The following TBK1 variants were observed in gnomAD, a reference collection of about 807,000 sequenced individuals.
TBK1 encodes the protein TANK binding kinase 1, also known as serine/threonine-protein kinase TBK1.
Under a neutral mutation model 99.9 loss-of-function variants are expected in TBK1, and 37 were observed. The observed-to-expected ratio is 0.37, with a 90% CI of 0.28 to 0.49. The LOEUF (loss-of-function observed/expected upper bound fraction) is 0.49, where lower values mean the gene tolerates loss of function less well. TBK1 is among the 20% of genes least tolerant of loss of function. TBK1 has a pLI of 0.98. For synonymous variants in TBK1, 258 were observed against 279.8 expected (o/e 0.92, Z 0.78); for missense variants, 644 against 872.5 (o/e 0.74, Z 3.30).
intron 5 of TBK1, among the ~76,000 whole-genome samples, chr12:64,470,944 T>C (rs1366099305): frequency 6.6e-6 from 1 of 152,184 alleles, no homozygotes; most frequent in African/African-American, 2.4e-5. Flanking sequence ...TAGGCTGAAA[T>C]TTAACCCCAT....
At chr12:64,497,800 C>A in intron 19 of TBK1, 46 bp downstream of exon 19, 1 of 1,490,252 alleles carries the variant, frequency 6.7e-7, no homozygotes, top group South Asian at 1.2e-5. Flanking sequence ...CATTTGCTTT[C>A]ATTGCAGTTT....
At chr12:64,461,426 TGTA>T (rs1281715244) in intron 3 of TBK1, among the ~76,000 whole-genome samples, 1 of 152,130 alleles carries the variant, frequency 6.6e-6, no homozygotes, top group Non-Finnish European at 1.5e-5. Context: ...TGGGAAAAAA[TGTA>T]GTTTATACTC....
intron 3 of TBK1, among the ~76,000 whole-genome samples, chr12:64,461,361 A>G (rs1196688164): frequency 6.6e-6 from 1 of 152,184 alleles, no homozygotes; most frequent in Admixed American, 6.5e-5. Context: ...ATCTAGAAAT[A>G]ATGGAAATAG....
In TBK1 at chr12:64,454,853, A is replaced by G. The variant is rs540643797; in HGVS notation, c.-31-987A>G. 1.3e-3 allele frequency among the ~76,000 whole-genome samples: 182 copies of G among 144,432 alleles called. 2 individuals carry two copies. Among genetic ancestry groups the G allele is most frequent in the African/African-American group, 4.4e-3 (172 of 38,724 alleles). The allele number at this position is 144,432 out of a possible 152,430, so 94.8% of individuals were successfully genotyped here. On this transcript the variant is annotated intron_variant, in intron 1 of 20. Transcript: ENST00000331710. ...CACCATGCCCGGCTAATTTTTTTGT[A>G]TTTTTAGTAGAGACGGGGTTTCACC...
chr12:64,468,869 G>T (rs2040632998), intron 5 of TBK1, among the ~76,000 whole-genome samples: 1 of 152,142 alleles, frequency 6.6e-6, no homozygotes, highest in South Asian at 2.1e-4. Context: ...CCCTGGCCCT[G>T]TGAAAGCTAC....
At chr12:64,494,887 C>A (rs777804392) in intron 13 of TBK1, among the ~76,000 whole-genome samples, 1 of 152,194 alleles carries the variant, frequency 6.6e-6, no homozygotes, top group African/African-American at 2.4e-5. Context: ...GTATCAGGAC[C>A]TTTAAAATAT....
At chr12:64,496,729 C>G (rs11175416) in intron 16 of TBK1, among the ~76,000 whole-genome samples, 161 of 152,230 alleles carry the variant, frequency 1.1e-3, no homozygotes, top group African/African-American at 3.8e-3. Flanking sequence ...TAATTTTAAC[C>G]GCATTCAATA....
intron 4 of TBK1, among the ~76,000 whole-genome samples, chr12:64,466,156 T>G (rs1449812651): frequency 6.6e-6 from 1 of 152,162 alleles, no homozygotes; most frequent in Admixed American, 6.5e-5. Context: ...ATTATAGATA[T>G]GATGTCTTCC....
At chr12:64,467,402 A>G (rs2040617662) in intron 5 of TBK1, among the ~76,000 whole-genome samples, 1 of 152,114 alleles carries the variant, frequency 6.6e-6, no homozygotes, top group Admixed American at 6.6e-5. Flanking sequence ...TGTTTTTTAT[A>G]TATTCATTAT....
At chr12:64,499,296 C>T (rs1482796668) in intron 20 of TBK1, among the ~76,000 whole-genome samples, 1 of 151,948 alleles carries the variant, frequency 6.6e-6, no homozygotes, top group African/African-American at 2.4e-5. Flanking sequence ...CCACTTGCCT[C>T]AGCCTCCCAA....
chr12:64,487,503 G>A (rs916373457), intron 11 of TBK1, among the ~76,000 whole-genome samples: 2 of 151,910 alleles, frequency 1.3e-5, no homozygotes, highest in African/African-American at 4.8e-5. Flanking sequence ...TAGTTCCTAA[G>A]CCTATGCTTT....
At chr12:64,488,426 A>C (rs959905741) in intron 11 of TBK1, 61 bp from the exon 12 acceptor site, 12 of 943,066 alleles carry the variant, frequency 1.3e-5, no homozygotes, top group African/African-American at 8.5e-5. Context: ...CAGTATAATT[A>C]GTGATAGATA....
chr12:64,485,548 G>T, intron 10 of TBK1, 35 bp downstream of exon 10: 2 of 1,086,808 alleles, frequency 1.8e-6, no homozygotes, highest in South Asian at 1.5e-5. Flanking sequence ...GTAAACATCT[G>T]AATTTAATGT....
intron 20 of TBK1, among the ~76,000 whole-genome samples, chr12:64,498,383 C>CGG (rs1425106412): frequency 2.0e-5 from 3 of 152,160 alleles, no homozygotes; most frequent in African/African-American, 7.2e-5. Context: ...GAGTAGCTTA[C>CGG]GGGGTCCTCT....
intron 2 of TBK1, among the ~76,000 whole-genome samples, chr12:64,457,598 T>G (rs2040503155): frequency 6.6e-6 from 1 of 152,180 alleles, no homozygotes; most frequent in Non-Finnish European, 1.5e-5. Context: ...GGACACAGTT[T>G]CGAGTTTAGT....
At chr12:64,472,482 C>A (rs1303118518) in intron 5 of TBK1, among the ~76,000 whole-genome samples, 2 of 152,154 alleles carry the variant, frequency 1.3e-5, no homozygotes, top group Non-Finnish European at 2.9e-5. Context: ...GATTTATCTT[C>A]CAAAAATCTT....
At chr12:64,457,844 T>G (rs1592352117) in intron 2 of TBK1, among the ~76,000 whole-genome samples, 1 of 152,206 alleles carries the variant, frequency 6.6e-6, no homozygotes, top group Admixed American at 6.6e-5. Context: ...GAGGACTGAT[T>G]AGACTACCCC....
intron 20 of TBK1, among the ~76,000 whole-genome samples, chr12:64,499,324 C>G (rs1159367900): frequency 1.3e-5 from 2 of 152,032 alleles, no homozygotes; most frequent in Non-Finnish European, 2.9e-5. Context: ...GGATTACAGG[C>G]ATGAGCCACC....
intron 7 of TBK1, 69 bp from the exon 8 acceptor site, chr12:64,481,773 C>T (rs144982345): frequency 8.8e-7 from 1 of 1,142,376 alleles, no homozygotes; most frequent in East Asian, 2.8e-5. Context: ...CTGGTAAATA[C>T]TATGATTTTT....
Sources: allele counts gnomAD v4.1 joint callset (sites outside exome capture counted in the v4.1 genomes callset), GRCh38; gene constraint gnomAD v4.1.1; transcripts MANE v1.5; gene names NCBI Gene and HGNC (gene_info 2026-07-23, HGNC 2026-07-21).